Variants in ZNF14 observed in about 807,000 individuals in gnomAD.
The protein encoded by ZNF14 is gonadotropin inducible transcription repressor-4.
A neutral mutation model predicts 11.3 loss-of-function variants in ZNF14; 9 were observed. The ratio of observed to expected loss-of-function variants is 0.80; its 90% CI spans 0.48 to 1.39. The LOEUF (loss-of-function observed/expected upper bound fraction) is 1.39. ZNF14 is among the 40% of genes most tolerant of loss of function. The probability of loss-of-function intolerance (pLI) is 0.00; values close to 1 mark genes in which losing one functional copy is unlikely to be tolerated. For synonymous variants in ZNF14, 239 were observed against 245.7 expected (o/e 0.97, Z 0.25); for missense variants, 711 against 763.9 (o/e 0.93, Z 0.82).
chr19:19,717,473 T>G (rs1011767870), intron 1 of ZNF14, among the ~76,000 whole-genome samples: 1 of 152,184 alleles, frequency 6.6e-6, no homozygotes, highest in African/African-American at 2.4e-5. Context: ...ATTAAATCAT[T>G]ACACACTAAT....
chr19:19,718,974 C>T (rs2062385143), intron 1 of ZNF14, among the ~76,000 whole-genome samples: 1 of 152,084 alleles, frequency 6.6e-6, no homozygotes, highest in African/African-American at 2.4e-5. Flanking sequence ...CCATGTTGGC[C>T]AGGTGGGTGT....
intron 1 of ZNF14, among the ~76,000 whole-genome samples, chr19:19,729,841 G>A (rs1432070252): frequency 6.6e-6 from 1 of 152,048 alleles, no homozygotes; most frequent in African/African-American, 2.4e-5. Context: ...TCATCCTACA[G>A]GTGAAAAACC....
chr19:19,719,635 T>C (rs193108532), intron 1 of ZNF14, among the ~76,000 whole-genome samples: 3 of 152,038 alleles, frequency 2.0e-5, no homozygotes, highest in Admixed American at 6.5e-5. Flanking sequence ...TGGCATCAAG[T>C]AAAATGCTTA....
rs1267575576 is a variant in ZNF14 at position 19,732,932 on chromosome 19, C to G, written c.3+24G>C. The stretch of plus-strand genomic sequence containing the variant: ...ACGGTTCCAACCAGAAACCTCCCCT[C>G]GGACACTGGCCCCGCACACTCACCA... On this transcript the variant is annotated intron_variant, in intron 1 of 3. Coordinates refer to ENST00000344099, the MANE Select transcript of ZNF14 (RefSeq NM_021030.3). The G allele has an allele frequency of 3.7e-6, 6 of 1,613,326 alleles. 1 individual carries two copies. The East Asian group carries it at 1.3e-4, about 36-fold the overall frequency.
intron 1 of ZNF14, among the ~76,000 whole-genome samples, chr19:19,716,597 A>G (rs1001897023): frequency 1.3e-5 from 2 of 152,062 alleles, no homozygotes; most frequent in Non-Finnish European, 2.9e-5. Flanking sequence ...CAATAATGAG[A>G]TTTTAAAGCT....
chr19:19,714,713 CTTTTTTTT>C (rs3031866), intron 1 of ZNF14, among the ~76,000 whole-genome samples: 1 of 122,850 alleles, frequency 8.1e-6, no homozygotes, highest in African/African-American at 3.0e-5. Flanking sequence ...TTTTCTTTTT[CTTTTTTTT>C]TTTTTTTTGA....
Position 19,733,060 on chromosome 19 carries a change from G to A in ZNF14, c.-102C>T. Reference sequence around the variant, plus strand: ...GCGCTAGAGCCACCTTCGGCCTTCAGGAGCAGGTGAAACGCAATCTTCCCA... The same window carrying A: ...GCGCTAGAGCCACCTTCGGCCTTCAAGAGCAGGTGAAACGCAATCTTCCCA... On this transcript the variant is annotated 5_prime_UTR_variant, in exon 1 of 4. Coordinates refer to ENST00000344099, the MANE Select transcript of ZNF14 (RefSeq NM_021030.3). 6.8e-7 allele frequency: 1 copy of A among 1,477,894 alleles called. No individual in the cohort carries two copies. Among genetic ancestry groups the A allele is most frequent in the Non-Finnish European group, 9.2e-7 (1 of 1,083,088 alleles). 91.5% of individuals were successfully genotyped at this position (1,477,894 alleles called of 1,614,324 possible).
At position 19,713,093 on chromosome 19, in the gene ZNF14, TA is replaced by T. The variant is rs1451027655; in HGVS notation, c.192-5del. On this transcript the variant is annotated splice_region_variant and splice_polypyrimidine_tract_variant and intron_variant, in intron 3 of 3. Coordinates refer to ENST00000344099, the MANE Select transcript of ZNF14 (RefSeq NM_021030.3). ...GAGTCTCTCAACCATATGACATCTG[TA>T]AAAAATGAATAGCACATTATTAGTG... 6.4e-7 allele frequency: 1 copy of T among 1,558,258 alleles called. No homozygotes were observed. The highest frequency in any genetic ancestry group is 1.4e-5 in the African/African-American group (1 of 72,546).
In ZNF14 at chr19:19,712,500, T is replaced by C. The variant is rs570837444; in HGVS notation, c.781A>G (p.Ser261Gly). 1 of 1,613,244 alleles carries C rather than the reference T, an allele frequency of 6.2e-7. No individual in the cohort carries two copies. The highest frequency in any genetic ancestry group is 2.2e-5 in the East Asian group (1 of 44,810). Residue 261 changes from serine (S) to glycine (G), a missense_variant, in exon 4 of 4, where the codon AGT (serine) becomes GGT (glycine). Ser to Gly is a moderately conservative substitution (Grantham distance 56). Coordinates refer to ENST00000344099, the MANE Select transcript of ZNF14 (RefSeq NM_021030.3). ...YECKQCGKAFSCPTYFRTHER... is the reference protein window; with the variant it reads ...YECKQCGKAFGCPTYFRTHER... The stretch of plus-strand genomic sequence containing the variant: ...TGAGTTCGAAAGTATGTGGGACAAC[T>C]GAAAGCCTTACCACATTGCTTACAT...
intron 1 of ZNF14, among the ~76,000 whole-genome samples, chr19:19,728,281 G>A (rs1267805828): frequency 7.6e-6 from 1 of 131,074 alleles, no homozygotes; most frequent in Non-Finnish European, 1.7e-5. Context: ...ACTTTGAGAG[G>A]CCGTGGTGGG....
chr19:19,730,885 C>G (rs1295216298), intron 1 of ZNF14, among the ~76,000 whole-genome samples: 1 of 152,162 alleles, frequency 6.6e-6, no homozygotes, highest in East Asian at 1.9e-4. Context: ...GCACTCCAGC[C>G]TGGGCAACAA....
intron 1 of ZNF14, among the ~76,000 whole-genome samples, chr19:19,718,009 A>G (rs1016190708): frequency 6.6e-6 from 1 of 152,222 alleles, no homozygotes; most frequent in Non-Finnish European, 1.5e-5. Context: ...GTAAACAGAG[A>G]CAAAACCCAG....
At position 19,712,461 on chromosome 19, in the gene ZNF14, T is replaced by G; in HGVS notation, c.820A>C (p.Thr274Pro). Residue 274 changes from threonine to proline, a missense_variant, in exon 4 of 4, where the codon ACT becomes CCT. Transcript: ENST00000344099. ...TYFRTHERTHTGEKPYKCKEC... is the reference protein window; with the variant it reads ...TYFRTHERTHPGEKPYKCKEC... ...TTACATTTGTAGGGTTTTTCTCCAG[T>G]GTGAGTTCTTTCATGAGTTCGAAAG... The G allele has an allele frequency of 1.2e-6, 2 of 1,612,914 alleles. No individual in the cohort carries two copies. The highest frequency in any genetic ancestry group is 1.7e-6 in the Non-Finnish European group (2 of 1,179,724).
chr19:19,713,173 T>A (rs1387620451), intron 3 of ZNF14, 84 bp from the exon 4 acceptor site: 12 of 1,328,774 alleles, frequency 9.0e-6, no homozygotes, highest in Non-Finnish European at 1.2e-5. Flanking sequence ...ATTTTAACCA[T>A]TTTCAGAAAA....
chr19:19,732,737 C>G (rs1279199346), intron 1 of ZNF14, among the ~76,000 whole-genome samples: 2 of 152,220 alleles, frequency 1.3e-5, no homozygotes, highest in African/African-American at 4.8e-5. Flanking sequence ...ATAGAGGGCT[C>G]CAGGACCGGG....
At chr19:19,713,278 AT>A (rs1251158425) in intron 3 of ZNF14, among the ~76,000 whole-genome samples, 189 bp from the exon 4 acceptor site, 6 of 152,082 alleles carry the variant, frequency 3.9e-5, no homozygotes, top group Non-Finnish European at 8.8e-5. Context: ...AAAACAGTCA[AT>A]TTTTTTGTTG....
rs970281582 is a variant in ZNF14 at position 19,733,063 on chromosome 19, G to T, written c.-105C>A. On this transcript the variant is annotated 5_prime_UTR_variant, in exon 1 of 4. It introduces an in-frame stop codon into an upstream open reading frame of the 5' UTR. Coordinates refer to ENST00000344099, the MANE Select transcript of ZNF14 (RefSeq NM_021030.3). ...CTAGAGCCACCTTCGGCCTTCAGGA[G>T]CAGGTGAAACGCAATCTTCCCATGG... is the stretch of plus-strand genomic sequence containing the variant. 60 of 1,460,204 alleles carry T rather than the reference G, an allele frequency of 4.1e-5. No homozygotes were observed. Among genetic ancestry groups the T allele is most frequent in the Non-Finnish European group, 5.2e-5 (56 of 1,068,844 alleles). The allele number at this position is 1,460,204 out of a possible 1,614,324, so 90.5% of individuals were successfully genotyped here.
rs1458194627 is a variant in ZNF14, at chr19:19,728,653, A to AT, written c.3+4302dup. ...TCTGAACTCGAAGGAAGTAAAGATT[A>AT]TGATTACAAAGCAGATCTAAAAGAT... On this transcript the variant is annotated intron_variant, in intron 1 of 3. Coordinates refer to ENST00000344099, the MANE Select transcript of ZNF14 (RefSeq NM_021030.3). Among the ~76,000 whole-genome samples, 3 of 132,778 alleles carry AT rather than the reference A, an allele frequency of 2.3e-5. 1 individual carries two copies. Among genetic ancestry groups the AT allele is most frequent in the Non-Finnish European group, 5.0e-5 (3 of 60,038 alleles). 87.1% of individuals were successfully genotyped at this position (132,778 alleles called of 152,430 possible).
At position 19,711,813 on chromosome 19, in the gene ZNF14, AG is replaced by A. The variant is rs1400136489; in HGVS notation, c.1467del (p.Arg491AspfsTer215). ...QCGKVFIRSS[S>X]FRLHERTHTG... Reference sequence around the variant, plus strand: ...GTGTGTGTTCTTTCATGCAGTCGAAAGGAACTGGAACGAATGAAAACTTTTC... The same window carrying A: ...GTGTGTGTTCTTTCATGCAGTCGAAAGAACTGGAACGAATGAAAACTTTTC... On this transcript the variant is annotated frameshift_variant, in exon 4 of 4. Transcript: ENST00000344099. LOFTEE classifies it low-confidence loss of function (END_TRUNC). 1 of 1,610,904 alleles carries A rather than the reference AG, an allele frequency of 6.2e-7. No individual in the cohort carries two copies. The highest frequency in any genetic ancestry group is 1.4e-5 in the African/African-American group (1 of 73,930).
Sources: gnomAD v4.1 joint callset for allele counts (sites outside exome capture counted in the v4.1 genomes callset) on GRCh38, gnomAD v4.1.1 for gene constraint, MANE v1.5 for transcripts, NCBI Gene and HGNC (gene_info 2026-07-23, HGNC 2026-07-21) for gene names.